SPAG1: variants seen among roughly 807,000 people sequenced by gnomAD.
The protein encoded by SPAG1 is sperm associated antigen 1.
Under a neutral mutation model 100.5 loss-of-function variants are expected in SPAG1, and 69 were observed. The observed-to-expected ratio is 0.69, with a 90% CI of 0.57 to 0.84. SPAG1 has a LOEUF of 0.84. Among genes scored for constraint, SPAG1 ranks in the 40% least tolerant of loss-of-function variants. The pLI is 0.00. For synonymous variants in SPAG1, 336 were observed against 411.6 expected (o/e 0.82, Z 2.22); for missense variants, 955 against 1,133.1 (o/e 0.84, Z 2.26).
chr8:100,220,157 C>A, intron 12 of SPAG1, 122 bp from the exon 13 acceptor site: 1 of 769,074 alleles, frequency 1.3e-6, no homozygotes. Flanking sequence ...GCCTGGTTCC[C>A]AAGACGAAGT....
intron 8 of SPAG1, among the ~76,000 whole-genome samples, chr8:100,189,598 T>A (rs939268774): frequency 6.6e-6 from 1 of 152,134 alleles, no homozygotes; most frequent in Admixed American, 6.6e-5. Flanking sequence ...GAGGTTGTAC[T>A]GAGCTGAGAT....
intron 16 of SPAG1, among the ~76,000 whole-genome samples, chr8:100,238,669 C>T (rs1006729595): frequency 2.0e-5 from 3 of 152,138 alleles, no homozygotes; most frequent in African/African-American, 7.2e-5. Context: ...AATGTTGACT[C>T]TAGCCAATTC....
At chr8:100,222,102 TCTGCTGCCTCCTTTTATGTGC>T (rs1173765271) in intron 13 of SPAG1, among the ~76,000 whole-genome samples, 3 of 152,208 alleles carry the variant, frequency 2.0e-5, no homozygotes, top group Non-Finnish European at 4.4e-5. Flanking sequence ...CGGTGCGCCA[TCTGCTGCCTCCTTTTATGTGC>T]CTGCAGGCCC....
chr8:100,169,362 T>C (rs763143539), intron 3 of SPAG1, among the ~76,000 whole-genome samples: 1 of 152,202 alleles, frequency 6.6e-6, no homozygotes, highest in Non-Finnish European at 1.5e-5. Context: ...TAGGCTATCA[T>C]GCACTATTAC....
chr8:100,173,029 AC>A (rs1815947081), intron 3 of SPAG1, among the ~76,000 whole-genome samples: 2 of 94,230 alleles, frequency 2.1e-5, no homozygotes, highest in African/African-American at 7.8e-5. Context: ...CTTCTTGACC[AC>A]TTCTTTTTTT....
intron 10 of SPAG1, chr8:100,194,645 G>T (rs1261082210): frequency 7.7e-6 from 3 of 390,022 alleles, no homozygotes; most frequent in Non-Finnish European, 1.4e-5. Context: ...GGTATGGGTA[G>T]CCCCATTTAT....
intron 10 of SPAG1, among the ~76,000 whole-genome samples, chr8:100,204,619 A>G (rs1817428720): frequency 6.6e-6 from 1 of 152,204 alleles, no homozygotes; most frequent in East Asian, 1.9e-4. Context: ...CTTTGGGTTA[A>G]TATAGAGGAA....
At position 100,225,213 on chromosome 8, in the gene SPAG1, C is replaced by T. The variant is rs771548533; in HGVS notation, c.1729C>T (p.Arg577Trp). 22 of 1,613,620 alleles carry T rather than the reference C, an allele frequency of 1.4e-5. No individual in the cohort carries two copies. The highest frequency in any genetic ancestry group is 7.7e-5 in the South Asian group (7 of 91,064). Residue 577 changes from arginine (R) to tryptophan (W), a missense_variant, in exon 14 of 19, where the codon CGG (arginine) becomes TGG (tryptophan). Physicochemically the swap from Arg to Trp is moderately radical, Grantham distance 101. Transcript: ENST00000388798. ...ILMELDGPNW[R>W]EKLSPIPAVP... ...AATGGAGCTGGATGGACCAAATTGG[C>T]GGGAGAAGCTGTCACCTATTCCTGC... is the stretch of plus-strand genomic sequence containing the variant.
In SPAG1 at chr8:100,194,894, C is replaced by T. The variant is rs549639437; in HGVS notation, c.1096+626C>T. Among the ~76,000 whole-genome samples, 64 of 152,248 alleles carry T rather than the reference C, an allele frequency of 4.2e-4. 1 individual carries two copies. Among genetic ancestry groups the T allele is most frequent in the African/African-American group, 1.4e-3 (59 of 41,552 alleles). On this transcript the variant is annotated intron_variant, in intron 10 of 18. Transcript: ENST00000388798. Reference sequence around the variant, plus strand: ...AACTTTTCCCTCCGTCAGCTGGGCGCGGTGGCTCACACCTATAATCCCAGC... The same window carrying T: ...AACTTTTCCCTCCGTCAGCTGGGCGTGGTGGCTCACACCTATAATCCCAGC...
intron 10 of SPAG1, among the ~76,000 whole-genome samples, chr8:100,207,873 GC>G (rs1286583864): frequency 3.3e-5 from 5 of 152,148 alleles, no homozygotes; most frequent in Non-Finnish European, 7.3e-5. Flanking sequence ...TGGTAGAATG[GC>G]CTTTTGAAGT....
intron 15 of SPAG1, among the ~76,000 whole-genome samples, chr8:100,231,803 CA>C (rs1030835586): frequency 1.3e-5 from 2 of 151,030 alleles, no homozygotes; most frequent in Non-Finnish European, 3.0e-5. Flanking sequence ...ACTAAAAATA[CA>C]AAAAAAAATT....
In SPAG1 at chr8:100,212,986, T is replaced by G. The variant is rs1292752481; in HGVS notation, c.1097-104T>G. ...GGGGCGGTGCCCGAGCCGGCTTCCCTAGAGCCCGCCCTCCGCGTCCTGCAC... is the reference window on the plus strand; with the variant it reads ...GGGGCGGTGCCCGAGCCGGCTTCCCGAGAGCCCGCCCTCCGCGTCCTGCAC... On this transcript the variant is annotated intron_variant, in intron 10 of 18. Coordinates refer to ENST00000388798, the MANE Select transcript of SPAG1 (RefSeq NM_003114.5). 6.2e-6 allele frequency: 6 copies of G among 962,526 alleles called. No individual in the cohort carries two copies. In the East Asian group the frequency reaches 2.2e-4, roughly 35 times the overall value. The allele number at this position is 962,526 out of a possible 1,614,324, so 59.6% of individuals were successfully genotyped here.
intron 12 of SPAG1, among the ~76,000 whole-genome samples, chr8:100,219,893 C>A (rs1164174728): frequency 6.6e-6 from 1 of 152,166 alleles, no homozygotes; most frequent in African/African-American, 2.4e-5. Flanking sequence ...TTTTATGGTT[C>A]TGTACTTTAT....
Position 100,165,911 on chromosome 8 carries a change from C to A in SPAG1, c.238C>A (p.Pro80Thr). 1 of 1,614,132 alleles carries A rather than the reference C, an allele frequency of 6.2e-7. No individual in the cohort carries two copies. The highest frequency in any genetic ancestry group is 1.3e-5 in the African/African-American group (1 of 75,050). ...PESRALRKDK[P>T]AATAASFTAE... is the part of the protein sequence containing the mutation. ...AAGCAGAGCTTTGAGGAAAGATAAA[C>A]CAGCAGCAACAGCAGCCAGTTTTAC... Residue 80 changes from proline (P) to threonine (T), a missense_variant, in exon 3 of 19, where the codon CCA (proline) becomes ACA (threonine). Coordinates refer to ENST00000388798, the MANE Select transcript of SPAG1 (RefSeq NM_003114.5).
intron 10 of SPAG1, among the ~76,000 whole-genome samples, chr8:100,200,677 T>G (rs1299510990): frequency 1.3e-5 from 2 of 152,256 alleles, no homozygotes; most frequent in Non-Finnish European, 2.9e-5. Flanking sequence ...TGGTTTTGAT[T>G]TGCATTTCTC....
chr8:100,185,998 A>G lies in SPAG1; in HGVS notation c.702-1122A>G, dbSNP rs77239255. 1.7e-3 allele frequency among the ~76,000 whole-genome samples: 258 copies of G among 152,022 alleles called. 2 individuals are homozygous for G. The highest frequency in any genetic ancestry group is 6.0e-3 in the African/African-American group (250 of 41,474). On this transcript the variant is annotated intron_variant, in intron 7 of 18. Transcript: ENST00000388798. ...TGAGGAGTCATATAGTTGAAGAATT[A>G]AAGCAGCATAGTATGATGGTTAAGG...
In SPAG1 at chr8:100,165,959, G is replaced by C. The variant is rs1417457912; in HGVS notation, c.286G>C (p.Asp96His). The part of the protein sequence containing the change: ...SFTAEEWEKI[D>H]GDIKSWVSEI... ...TACAGCTGAAGAATGGGAAAAAATT[G>C]ATGGTGATATAAAGGTATATAGTAA... The change falls in exon 3 of 19, where the codon GAT becomes CAT. Residue 96 changes from aspartate to histidine, a missense_variant. Coordinates refer to ENST00000388798, the MANE Select transcript of SPAG1 (RefSeq NM_003114.5). 4 of 1,613,430 alleles carry C rather than the reference G, an allele frequency of 2.5e-6. No homozygotes were observed. The highest frequency in any genetic ancestry group is 1.3e-5 in the African/African-American group (1 of 74,888).
At chr8:100,191,567 C>G in intron 9 of SPAG1, 71 bp downstream of exon 9, 1 of 1,033,792 alleles carries the variant, frequency 9.7e-7, no homozygotes, top group Non-Finnish European at 1.5e-6. Context: ...AAAGTGGTAT[C>G]AATCTTGCCA....
At chr8:100,174,656 G>A (rs2132230030) in intron 3 of SPAG1, among the ~76,000 whole-genome samples, 1 of 152,340 alleles carries the variant, frequency 6.6e-6, no homozygotes, top group South Asian at 2.1e-4. Context: ...ACAGTCTTGT[G>A]TAATCGGAGC....
Sources: gnomAD v4.1 joint callset for allele counts (sites outside exome capture counted in the v4.1 genomes callset) on GRCh38, gnomAD v4.1.1 for gene constraint, MANE v1.5 for transcripts, NCBI Gene and HGNC (gene_info 2026-07-23, HGNC 2026-07-21) for gene names.